Variants in TRHR observed in about 807,000 individuals in gnomAD.
The protein encoded by TRHR is thyrotropin-releasing hormone receptor.
In TRHR, 14 loss-of-function variants were observed where a neutral mutation model predicts 28.0. That is an observed-to-expected ratio of 0.50 (90% CI 0.33 to 0.78). The LOEUF is 0.78. TRHR is among the 30% of genes least tolerant of loss of function. TRHR has a pLI of 0.02. For synonymous variants in TRHR, 176 were observed against 171.9 expected (o/e 1.02, Z -0.18); for missense variants, 438 against 469.5 (o/e 0.93, Z 0.62).
At chr8:109,119,021 A>T (rs749580436) in intron 2 of TRHR, 27 bp from the exon 3 acceptor site, 1 of 1,611,976 alleles carries the variant, frequency 6.2e-7, no homozygotes, top group African/African-American at 1.3e-5. Context: ...TTGTGTTTGT[A>T]CAGCATTTCT....
intron 2 of TRHR, among the ~76,000 whole-genome samples, chr8:109,103,329 A>C (rs1023639518): frequency 2.6e-5 from 4 of 152,162 alleles, no homozygotes; most frequent in Non-Finnish European, 4.4e-5. Flanking sequence ...TTCTAGAAAC[A>C]CATTTAGAAG....
intron 2 of TRHR, among the ~76,000 whole-genome samples, chr8:109,098,251 T>G (rs1039323069): frequency 7.9e-5 from 12 of 152,000 alleles, no homozygotes; most frequent in Non-Finnish European, 1.3e-4. Flanking sequence ...CATGTCAGTC[T>G]CCTGAATAGC....
At chr8:109,112,019 C>T (rs1028125072) in intron 2 of TRHR, among the ~76,000 whole-genome samples, 1 of 152,080 alleles carries the variant, frequency 6.6e-6, no homozygotes, top group Non-Finnish European at 1.5e-5. Context: ...CTTAAGATTG[C>T]CCTGGAATTT....
chr8:109,111,486 C>T lies in TRHR; in HGVS notation c.790-7562C>T, dbSNP rs533128633. On this transcript the variant is annotated intron_variant, in intron 2 of 2. Transcript: ENST00000518632. ...TGTATAGTTACCCTCTGAAGAATGG[C>T]ATTAGAATATTAAAGACTAAATGTT... 1.1e-3 allele frequency among the ~76,000 whole-genome samples: 165 copies of T among 152,164 alleles called. 1 individual carries two copies. In the South Asian group the frequency reaches 0.015, roughly 14 times the overall value.
At chr8:109,099,281 A>G (rs1811642684) in intron 2 of TRHR, among the ~76,000 whole-genome samples, 1 of 152,136 alleles carries the variant, frequency 6.6e-6, no homozygotes, top group South Asian at 2.1e-4. Flanking sequence ...AATTTAAAGC[A>G]TGAAGAGCAG....
rs201813491 is a variant in TRHR, at chr8:109,087,943, A to C, written c.431A>C (p.Lys144Thr). 1 of 1,614,166 alleles carries C rather than the reference A, an allele frequency of 6.2e-7. No individual in the cohort carries two copies. The highest frequency in any genetic ancestry group is 2.2e-5 in the East Asian group (1 of 44,884). ...QFLCTFSRAK[K>T]IIIFVWAFTS... ...CTCTGCACATTTTCCAGAGCCAAAA[A>C]GATTATCATCTTTGTCTGGGCTTTC... The change falls in exon 2 of 3, where the codon AAG (lysine) becomes ACG (threonine). Residue 144 changes from lysine (K) to threonine (T), a missense_variant. Lys to Thr is a moderately conservative substitution (Grantham distance 78, BLOSUM62 -1). Transcript: ENST00000518632.
At chr8:109,091,545 T>C (rs72680715) in intron 2 of TRHR, among the ~76,000 whole-genome samples, 5,969 of 152,302 alleles carry the variant, frequency 0.039, 371 homozygotes, top group Admixed American at 0.18. Context: ...CTCATCTGGG[T>C]CAGGTCTTTC....
intron 2 of TRHR, among the ~76,000 whole-genome samples, chr8:109,090,720 T>C (rs185447770): frequency 3.3e-5 from 5 of 152,224 alleles, no homozygotes; most frequent in Admixed American, 3.3e-4. Context: ...AGGATGAAGA[T>C]AATTTGAAAA....
intron 2 of TRHR, among the ~76,000 whole-genome samples, chr8:109,103,604 A>G (rs994018316): frequency 6.6e-6 from 1 of 152,144 alleles, no homozygotes; most frequent in Non-Finnish European, 1.5e-5. Context: ...TTCACACTTG[A>G]GCATCATGCA....
chr8:109,113,814 T>C (rs1046794241), intron 2 of TRHR, among the ~76,000 whole-genome samples: 11 of 152,136 alleles, frequency 7.2e-5, no homozygotes, highest in Non-Finnish European at 1.6e-4. Context: ...GTAAGAGTCA[T>C]AGCAGTAGTT....
chr8:109,115,247 A>G (rs1017455915), intron 2 of TRHR, among the ~76,000 whole-genome samples: 10 of 152,032 alleles, frequency 6.6e-5, no homozygotes, highest in African/African-American at 2.4e-4. Context: ...GTCAGGTAGC[A>G]TGATGCCTCC....
intron 2 of TRHR, among the ~76,000 whole-genome samples, chr8:109,093,169 G>A (rs1410179380): frequency 6.6e-6 from 1 of 151,850 alleles, no homozygotes; most frequent in African/African-American, 2.4e-5. Flanking sequence ...AGATATATCA[G>A]AAAAAATTCA....
chr8:109,119,533 A>C lies in TRHR; in HGVS notation c.*78A>C. The C allele has an allele frequency of 1.3e-6, 2 of 1,530,102 alleles. No individual in the cohort carries two copies. The highest frequency in any genetic ancestry group is 8.9e-7 in the Non-Finnish European group (1 of 1,119,622). 94.8% of individuals were successfully genotyped at this position (1,530,102 alleles called of 1,614,324 possible). A position where few individuals can be genotyped will look rare whatever the true frequency, so the allele number is the denominator to read the frequency against. ...ATCAACAAAAGGGAGAACATGGCCAATAGTCATATGTGAAGACAGAGCAGA... is the reference window on the plus strand; with the variant it reads ...ATCAACAAAAGGGAGAACATGGCCACTAGTCATATGTGAAGACAGAGCAGA... On this transcript the variant is annotated 3_prime_UTR_variant, in exon 3 of 3. Transcript: ENST00000518632.
chr8:109,092,328 C>A (rs1811528166), intron 2 of TRHR, among the ~76,000 whole-genome samples: 1 of 151,846 alleles, frequency 6.6e-6, no homozygotes, highest in African/African-American at 2.4e-5. Context: ...AAATATCGGT[C>A]TTTGTTTCCA....
intron 2 of TRHR, among the ~76,000 whole-genome samples, chr8:109,098,448 T>C (rs1811627763): frequency 6.6e-6 from 1 of 152,112 alleles, no homozygotes; most frequent in Admixed American, 6.6e-5. Context: ...ACCCTGCCTC[T>C]TGATTGCCCT....
intron 2 of TRHR, among the ~76,000 whole-genome samples, chr8:109,108,633 A>G (rs1424665120): frequency 6.6e-6 from 1 of 152,234 alleles, no homozygotes; most frequent in Non-Finnish European, 1.5e-5. Context: ...TTAGCTATTT[A>G]CCAGTAACAT....
chr8:109,092,388 AC>A (rs1811528725), intron 2 of TRHR, among the ~76,000 whole-genome samples: 1 of 151,104 alleles, frequency 6.6e-6, no homozygotes, highest in Non-Finnish European at 1.5e-5. Flanking sequence ...AGAAACAGAA[AC>A]AACTTTCCTT....
chr8:109,105,366 T>C (rs1811734266), intron 2 of TRHR, among the ~76,000 whole-genome samples: 1 of 152,174 alleles, frequency 6.6e-6, no homozygotes, highest in South Asian at 2.1e-4. Context: ...AGGCTATATC[T>C]GCCCAAGAAA....
chr8:109,119,302 C>T lies in TRHR; in HGVS notation c.1044C>T (p.Tyr348=), dbSNP rs1182133012. The T allele has an allele frequency of 2.5e-6, 4 of 1,612,644 alleles. No homozygotes were observed. The highest frequency in any genetic ancestry group is 1.7e-4 in the Middle Eastern group (1 of 6,050). The part of the protein sequence containing the change: ...KQKPTEKPAN[Y]SVALNYSVIK... ...AGCCAACAGAGAAACCTGCTAACTA[C>T]AGTGTGGCCCTAAATTACAGCGTCA... Residue 348 remains tyrosine (Y), a synonymous_variant, in exon 3 of 3, where the codon TAC becomes TAT. Transcript: ENST00000518632.
Sources: gnomAD v4.1 joint callset for allele counts (sites outside exome capture counted in the v4.1 genomes callset) on GRCh38, gnomAD v4.1.1 for gene constraint, MANE v1.5 for transcripts, NCBI Gene and HGNC (gene_info 2026-07-23, HGNC 2026-07-21) for gene names.